VPS4A: variants seen among roughly 807,000 people sequenced by gnomAD.
VPS4A encodes vacuolar protein sorting 4 homolog A.
Under a neutral mutation model 52.3 loss-of-function variants are expected in VPS4A, and 20 were observed. The observed-to-expected ratio is 0.38, with a 90% CI of 0.27 to 0.56. The LOEUF (loss-of-function observed/expected upper bound fraction) is 0.56, where lower values mean the gene tolerates loss of function less well. Ranked by LOEUF, VPS4A falls within the 20% of genes least tolerant of loss-of-function variation. The pLI, the probability that VPS4A is intolerant of heterozygous loss-of-function variation, is 0.72. For synonymous variants in VPS4A, 293 were observed against 227.7 expected (o/e 1.29, Z -2.58); for missense variants, 419 against 575.9 (o/e 0.73, Z 2.79).
At chr16:69,316,698 C>T (rs1174214171) in intron 3 of VPS4A, among the ~76,000 whole-genome samples, 1 of 152,150 alleles carries the variant, frequency 6.6e-6, no homozygotes, top group Non-Finnish European at 1.5e-5. Flanking sequence ...GTGGGGAGGT[C>T]GTGGAACTCA....
chr16:69,314,641 G>A (rs776081378), intron 1 of VPS4A, among the ~76,000 whole-genome samples: 6 of 152,128 alleles, frequency 3.9e-5, no homozygotes, highest in Admixed American at 1.3e-4. Context: ...TCTTCAATCC[G>A]CTGAGTTCAT....
In VPS4A at chr16:69,318,694, T is replaced by C; in HGVS notation, c.326T>C (p.Leu109Pro). Reference sequence around the variant, plus strand: ...GGGGATAATCCGGAGAAAAAGAAACTGCAAGAACAGCTGATGGGTAAGTGG... The same window carrying C: ...GGGGATAATCCGGAGAAAAAGAAACCGCAAGAACAGCTGATGGGTAAGTGG... ...SEGDNPEKKK[L>P]QEQLMGAVVM... Residue 109 changes from leucine (L) to proline (P), a missense_variant, in exon 4 of 11, where the codon CTG becomes CCG. Physicochemically the swap from Leu to Pro is moderately conservative, Grantham distance 98. Around this residue, in one of 3 missense-constraint regions of VPS4A, gnomAD observed 131 missense variants for 165.4 expected, o/e 0.79. Transcript: ENST00000254950. 6.2e-7 allele frequency: 1 copy of C among 1,613,532 alleles called. No individual in the cohort carries two copies. Among genetic ancestry groups the C allele is most frequent in the African/African-American group, 1.3e-5 (1 of 75,006 alleles).
rs571519085 is a variant in VPS4A at position 69,325,194 on chromosome 16, G to A, written c.*885G>A. 1 of 152,370 alleles carries A rather than the reference G, an allele frequency of 6.6e-6. No individual in the cohort carries two copies. The highest frequency in any genetic ancestry group is 2.1e-4 in the South Asian group (1 of 4,828). The allele number at this position is 152,370 out of a possible 1,614,324, so 9.4% of individuals were successfully genotyped here. ...CTGCAGTTCTTAGGCCTGTTCTCCAGTCAGGTGTGCAAGGCCTCCTCCCCT... is the reference window on the plus strand; with the variant it reads ...CTGCAGTTCTTAGGCCTGTTCTCCAATCAGGTGTGCAAGGCCTCCTCCCCT... On this transcript the variant is annotated 3_prime_UTR_variant, in exon 11 of 11. Transcript: ENST00000254950.
In VPS4A at chr16:69,324,552, C is replaced by T; in HGVS notation, c.*243C>T. On this transcript the variant is annotated 3_prime_UTR_variant, in exon 11 of 11. Coordinates refer to ENST00000254950, the MANE Select transcript of VPS4A (RefSeq NM_013245.3). ...ACTTCCTCCTCTCCTGGATGCTCAT[C>T]AGCTCCTTCTGCCTCCCCCCCTTTT... The T allele has an allele frequency of 2.0e-6, 1 of 491,458 alleles. No homozygotes were observed. The highest frequency in any genetic ancestry group is 2.8e-5 in the South Asian group (1 of 36,112). The allele number at this position is 491,458 out of a possible 1,614,324, so 30.4% of individuals were successfully genotyped here. A position where few individuals can be genotyped will look rare whatever the true frequency, so the allele number is the denominator to read the frequency against.
At position 69,320,848 on chromosome 16, in the gene VPS4A, G is replaced by C. The variant is rs1027378416; in HGVS notation, c.851+79G>C. ...CGGTCCGCCTGCTGCTGGCAGCCCG[G>C]GTGCAGCCTGGCCCCTTTTCCCTGG... On this transcript the variant is annotated intron_variant, in intron 8 of 10. Transcript: ENST00000254950. This position sits in a 1 kb window ranked among gnomAD's most constrained non-coding sequence, Gnocchi z 4.2. The C allele has an allele frequency of 1.4e-6, 2 of 1,414,088 alleles. No individual in the cohort carries two copies. The highest frequency in any genetic ancestry group is 2.0e-5 in the Admixed American group (1 of 49,904). 87.6% of individuals were successfully genotyped at this position (1,414,088 alleles called of 1,614,324 possible).
At position 69,321,243 on chromosome 16, in the gene VPS4A, G is replaced by A. The variant is rs751643808; in HGVS notation, c.1044G>A (p.Lys348=). ...VRDSLMQPVR[K]VQSATHFKKV... ...ACTCTCTCATGCAGCCCGTGAGGAA[G>A]GTGCAGTCGGCCACACACTTCAAAA... The change falls in exon 9 of 11, where the codon AAG becomes AAA. Residue 348 remains lysine (K), a synonymous_variant. Coordinates refer to ENST00000254950, the MANE Select transcript of VPS4A (RefSeq NM_013245.3). The surrounding 1 kb of genome is among the most constrained non-coding windows in gnomAD (Gnocchi z 4.5). 6.4e-7 allele frequency: 1 copy of A among 1,557,590 alleles called. No individual in the cohort carries two copies. Among genetic ancestry groups the A allele is most frequent in the Admixed American group, 1.9e-5 (1 of 51,902 alleles).
rs768647711 is a variant in VPS4A at position 69,318,500 on chromosome 16, TG to T, written c.282-149del. On this transcript the variant is annotated intron_variant, in intron 3 of 10. Coordinates refer to ENST00000254950, the MANE Select transcript of VPS4A (RefSeq NM_013245.3). Reference sequence around the variant, plus strand: ...CTGAGAGCATTGGCCCAAATGTCCCTGAAGTACTTGCTTGAGTCACACGGCA... The same window carrying T: ...CTGAGAGCATTGGCCCAAATGTCCCTAAGTACTTGCTTGAGTCACACGGCA... The T allele has an allele frequency of 1.1e-3, 874 of 807,038 alleles. 9 individuals carry two copies. The highest frequency in any genetic ancestry group is 4.6e-4 in the Non-Finnish European group (229 of 502,666). 50.0% of individuals were successfully genotyped at this position (807,038 alleles called of 1,614,324 possible).
chr16:69,313,531 C>T (rs1007037351), intron 1 of VPS4A, among the ~76,000 whole-genome samples: 1 of 152,060 alleles, frequency 6.6e-6, no homozygotes, highest in South Asian at 2.1e-4. Context: ...TGGCTAGCTT[C>T]TTTCATTATG....
At chr16:69,312,840 C>T (rs544060040) in intron 1 of VPS4A, among the ~76,000 whole-genome samples, 43 of 150,576 alleles carry the variant, frequency 2.9e-4, no homozygotes, top group Non-Finnish European at 5.6e-4. Context: ...CTCGAACTCC[C>T]GACCTCAGAT....
At chr16:69,317,460 C>T (rs953709406) in intron 3 of VPS4A, among the ~76,000 whole-genome samples, 1 of 152,180 alleles carries the variant, frequency 6.6e-6, no homozygotes, top group East Asian at 1.9e-4. Flanking sequence ...GATTTCAAAA[C>T]CAGCCTGGCC....
At position 69,321,756 on chromosome 16, in the gene VPS4A, C is replaced by A; in HGVS notation, c.1071+486C>A. On this transcript the variant is annotated intron_variant, in intron 9 of 10. Transcript: ENST00000254950. The surrounding 1 kb of genome is among the most constrained non-coding windows in gnomAD (Gnocchi z 4.5). ...CCGTTGTTGGTGGGGAGACAGTCAA[C>A]ACAGTCAGTGAGTGTCTCAGAGGAT... 5.4e-6 allele frequency: 1 copy of A among 186,784 alleles called. No homozygotes were observed. The highest frequency in any genetic ancestry group is 1.1e-5 in the Non-Finnish European group (1 of 88,364). 11.6% of individuals were successfully genotyped at this position (186,784 alleles called of 1,614,324 possible).
In VPS4A at chr16:69,311,422, T is replaced by G; in HGVS notation, c.-90T>G. The G allele has an allele frequency of 8.2e-7, 1 of 1,215,040 alleles. No individual in the cohort carries two copies. Among genetic ancestry groups the G allele is most frequent in the African/African-American group, 1.6e-5 (1 of 63,162 alleles). The allele number at this position is 1,215,040 out of a possible 1,614,324, so 75.3% of individuals were successfully genotyped here. A position where few individuals can be genotyped will look rare whatever the true frequency, so the allele number is the denominator to read the frequency against. On this transcript the variant is annotated 5_prime_UTR_variant, in exon 1 of 11. Coordinates refer to ENST00000254950, the MANE Select transcript of VPS4A (RefSeq NM_013245.3). ...CGCGCTCAGCGCCCACCGCCGGGCT[T>G]CCCGCGCCGGACCCAGTACCTCGGC...
Position 69,322,670 on chromosome 16 carries a change from G to A in VPS4A, c.1182G>A (p.Gly394=), listed in dbSNP as rs749765324. The change falls in exon 10 of 11, where the codon GGG becomes GGA. Residue 394 remains glycine (G), a synonymous_variant. Coordinates refer to ENST00000254950, the MANE Select transcript of VPS4A (RefSeq NM_013245.3). The part of the protein sequence containing the change: ...AMEMTWMDVP[G]DKLLEPVVCM... ...AGATGACTTGGATGGATGTCCCTGG[G>A]GACAAACTCTTAGAGCCTGTGGTTT... 6.2e-7 allele frequency: 1 copy of A among 1,613,834 alleles called. No individual in the cohort carries two copies. Among genetic ancestry groups the A allele is most frequent in the African/African-American group, 1.3e-5 (1 of 75,012 alleles).
intron 1 of VPS4A, among the ~76,000 whole-genome samples, chr16:69,313,391 AC>A (rs1567421687): frequency 6.6e-6 from 1 of 151,258 alleles, no homozygotes; most frequent in Non-Finnish European, 1.5e-5. Context: ...TCCAAAAGAA[AC>A]CCCTCACCCA....
At position 69,320,249 on chromosome 16, in the gene VPS4A, C is replaced by T. The variant is rs757777220; in HGVS notation, c.729C>T (p.Ala243=). 18 of 1,613,980 alleles carry T rather than the reference C, an allele frequency of 1.1e-5. No individual in the cohort carries two copies. The highest frequency in any genetic ancestry group is 2.7e-5 in the African/African-American group (2 of 75,048). ...CCCGAAATGAAAATGAGAGTGAGGC[C>T]GCCCGGAGGATCAAAACGGAGTTCT... ...CGSRNENESE[A]ARRIKTEFLV... Residue 243 remains alanine (A), a synonymous_variant, in exon 7 of 11, where the codon GCC becomes GCT. Transcript: ENST00000254950. The surrounding 1 kb of genome is among the most constrained non-coding windows in gnomAD (Gnocchi z 4.2).
In VPS4A at chr16:69,318,829, T is replaced by C; in HGVS notation, c.350T>C (p.Val117Ala). The stretch of plus-strand genomic sequence containing the variant: ...GCCGGCCTCCCTCTCGCAGGTGCCG[T>C]CGTGATGGAGAAGCCCAACATACGG... ...KKLQEQLMGAVVMEKPNIRWN... is the reference protein window; with the variant it reads ...KKLQEQLMGAAVMEKPNIRWN... Residue 117 changes from valine (V) to alanine (A), a missense_variant, in exon 5 of 11, where the codon GTC becomes GCC. Transcript: ENST00000254950. 1 of 1,611,738 alleles carries C rather than the reference T, an allele frequency of 6.2e-7. No individual in the cohort carries two copies. The highest frequency in any genetic ancestry group is 1.1e-5 in the South Asian group (1 of 90,970).
chr16:69,314,039 C>T (rs1454040142), intron 1 of VPS4A, among the ~76,000 whole-genome samples: 2 of 113,368 alleles, frequency 1.8e-5, no homozygotes, highest in Non-Finnish European at 3.4e-5. Context: ...GATCTCGGTT[C>T]TCTGCAGCCT....
chr16:69,316,505 G>T, intron 3 of VPS4A, 133 bp downstream of exon 3: 1 of 1,239,260 alleles, frequency 8.1e-7, no homozygotes. Flanking sequence ...GCCAGCAGCT[G>T]CTTTCAGGGA....
At chr16:69,315,929 G>T in intron 1 of VPS4A, 79 bp from the exon 2 acceptor site, 2 of 1,260,062 alleles carry the variant, frequency 1.6e-6, no homozygotes, top group South Asian at 1.3e-5. Context: ...CCCTCGTCAC[G>T]TTTCATCCCC....
Sources: allele counts gnomAD v4.1 joint callset (sites outside exome capture counted in the v4.1 genomes callset), GRCh38; gene constraint gnomAD v4.1.1; regional missense constraint gnomAD v4.1.1; non-coding constraint Gnocchi (gnomAD v3.1); transcripts MANE v1.5; gene names NCBI Gene and HGNC (gene_info 2026-07-23, HGNC 2026-07-21).